Variants in PRELID2 observed in about 807,000 individuals in gnomAD.
PRELID2 encodes PRELI domain-containing protein 2.
PRELID2 carries 25 observed loss-of-function variants against 28.4 expected under a neutral mutation model. That is an observed-to-expected ratio of 0.88 (90% confidence interval 0.64 to 1.23). The LOEUF (loss-of-function observed/expected upper bound fraction) is 1.23, where lower values mean the gene tolerates loss of function less well. PRELID2 is among the 50% of genes most tolerant of loss of function. The pLI is 0.00. For synonymous variants in PRELID2, 76 were observed against 71.6 expected (o/e 1.06, Z -0.31); for missense variants, 201 against 214.4 (o/e 0.94, Z 0.39).
chr5:145,473,932 T>C (rs1752077397), intron 1 of PRELID2, among the ~76,000 whole-genome samples: 2 of 152,230 alleles, frequency 1.3e-5, no homozygotes, highest in Non-Finnish European at 2.9e-5. Context: ...TTAATTTTGC[T>C]GATGCTATTG....
At chr5:145,682,718 G>A (rs928850616) in intron 1 of PRELID2, among the ~76,000 whole-genome samples, 3 of 152,148 alleles carry the variant, frequency 2.0e-5, no homozygotes, top group South Asian at 2.1e-4. Context: ...TAGGTGACAC[G>A]CTCCCTTCCT....
At chr5:145,693,836 C>A (rs79091312) in intron 1 of PRELID2, among the ~76,000 whole-genome samples, 3,926 of 152,240 alleles carry the variant, frequency 0.026, 183 homozygotes, top group African/African-American at 0.089. Flanking sequence ...CTGAAACACT[C>A]TATAGACTTT....
chr5:145,648,491 T>C (rs1427937876), intron 1 of PRELID2, among the ~76,000 whole-genome samples: 4 of 151,482 alleles, frequency 2.6e-5, no homozygotes, highest in African/African-American at 9.7e-5. Flanking sequence ...ATTATAAGGA[T>C]TGAGTTTTCA....
intron 2 of PRELID2, among the ~76,000 whole-genome samples, chr5:145,821,388 C>T (rs191817750): frequency 1.3e-4 from 20 of 151,872 alleles, no homozygotes; most frequent in African/African-American, 4.8e-4. Flanking sequence ...CTCTTCTGTC[C>T]TGCTCATACC....
chr5:145,646,875 G>A (rs980080678), intron 1 of PRELID2, among the ~76,000 whole-genome samples: 1 of 152,042 alleles, frequency 6.6e-6, no homozygotes, highest in Non-Finnish European at 1.5e-5. Context: ...ATTGCTGCCT[G>A]TTCCTTCCTC....
intron 1 of PRELID2, among the ~76,000 whole-genome samples, chr5:145,724,191 A>T (rs955451124): frequency 6.6e-6 from 1 of 152,140 alleles, no homozygotes; most frequent in African/African-American, 2.4e-5. Flanking sequence ...ACCTAGGTTA[A>T]CAGCTTCAGT....
chr5:145,495,054 G>T (rs570829147), intron 1 of PRELID2, among the ~76,000 whole-genome samples: 1 of 152,268 alleles, frequency 6.6e-6, no homozygotes, highest in African/African-American at 2.4e-5. Context: ...CACAGAAGTG[G>T]TCTATGCTCA....
intron 1 of PRELID2, among the ~76,000 whole-genome samples, chr5:145,736,676 T>C (rs543476948): frequency 2.0e-5 from 3 of 152,184 alleles, no homozygotes; most frequent in Admixed American, 6.5e-5. Context: ...GGGCAGCAGA[T>C]AGATGAGCAA....
At position 145,817,942 on chromosome 5, in the gene PRELID2, G is replaced by A. The variant is rs1293877325; in HGVS notation, c.320C>T (p.Ser107Phe). The A allele has an allele frequency of 1.3e-6, 2 of 1,590,054 alleles. No homozygotes were observed. Among genetic ancestry groups the A allele is most frequent in the Non-Finnish European group, 1.7e-6 (2 of 1,170,790 alleles). ...CCGGAAGACAGACTCTTCCTTCATG[G>A]ATGCATACTGTGTCCACGTAAGGCA... ...SHCLTWTQYASMKEESVFRES... is the reference protein window; with the variant it reads ...SHCLTWTQYAFMKEESVFRES... The change falls in exon 4 of 7, where the codon TCC becomes TTC. Residue 107 changes from serine to phenylalanine, a missense_variant. Transcript: ENST00000683046.
the PRELID2 span, among the ~76,000 whole-genome samples, chr5:145,402,416 G>A: frequency 3.3e-5 from 5 of 152,162 alleles, no homozygotes; most frequent in Non-Finnish European, 4.4e-5. Context: ...TATGAAACAT[G>A]TGCCCTTGGA....
the PRELID2 span, among the ~76,000 whole-genome samples, chr5:145,371,374 T>A: frequency 6.6e-6 from 1 of 152,122 alleles, no homozygotes; most frequent in Non-Finnish European, 1.5e-5. Flanking sequence ...GAGATAATCA[T>A]GTGATTTTGT....
At chr5:145,654,330 C>A (rs1345569104) in intron 1 of PRELID2, among the ~76,000 whole-genome samples, 1 of 152,188 alleles carries the variant, frequency 6.6e-6, no homozygotes, top group Non-Finnish European at 1.5e-5. Context: ...CAAGGAGTAG[C>A]TGGTACCATT....
the PRELID2 span, among the ~76,000 whole-genome samples, chr5:145,283,831 G>A: frequency 1.3e-5 from 2 of 152,120 alleles, no homozygotes; most frequent in Non-Finnish European, 2.9e-5. Context: ...ATTGATTTGA[G>A]AGGAAATTAA....
chr5:145,296,291 T>A, the PRELID2 span, among the ~76,000 whole-genome samples: 68 of 151,802 alleles, frequency 4.5e-4, no homozygotes, highest in African/African-American at 1.6e-3. Flanking sequence ...GCTGCACCCA[T>A]TAACTCGTCA....
At chr5:145,270,903 G>C in the PRELID2 span, among the ~76,000 whole-genome samples, 13 of 152,072 alleles carry the variant, frequency 8.5e-5, no homozygotes, top group African/African-American at 3.1e-4. Context: ...ATTTATAAAG[G>C]AAAGAGGTTT....
chr5:145,320,270 C>T, the PRELID2 span, among the ~76,000 whole-genome samples: 1 of 151,364 alleles, frequency 6.6e-6, no homozygotes, highest in Non-Finnish European at 1.5e-5. Context: ...CAGCACTCAA[C>T]AGCTTTTTTT....
chr5:145,282,837 G>A, the PRELID2 span, among the ~76,000 whole-genome samples: 2 of 152,108 alleles, frequency 1.3e-5, no homozygotes, highest in African/African-American at 2.4e-5. Context: ...TTATTCTTGA[G>A]TGTCATTTGC....
intron 4 of PRELID2, among the ~76,000 whole-genome samples, chr5:145,802,359 A>G (rs1375815912): frequency 6.6e-6 from 1 of 152,190 alleles, no homozygotes; most frequent in Non-Finnish European, 1.5e-5. Flanking sequence ...TTAACAGATC[A>G]GGCCAAATGT....
the PRELID2 span, among the ~76,000 whole-genome samples, chr5:145,404,483 C>T: frequency 6.6e-6 from 1 of 152,224 alleles, no homozygotes; most frequent in South Asian, 2.1e-4. Context: ...AGAGTGAACA[C>T]CAAGGTGAAG....
Sources: allele counts gnomAD v4.1 joint callset (sites outside exome capture counted in the v4.1 genomes callset), GRCh38; gene constraint gnomAD v4.1.1; transcripts MANE v1.5; gene names NCBI Gene and HGNC (gene_info 2026-07-23, HGNC 2026-07-21).